EDC3: variants seen among roughly 807,000 people sequenced by gnomAD.
EDC3 encodes enhancer of mRNA-decapping protein 3.
Under a neutral mutation model 41.8 loss-of-function variants are expected in EDC3, and 20 were observed. The observed-to-expected ratio is 0.48, with a 90% CI of 0.34 to 0.70. The LOEUF (loss-of-function observed/expected upper bound fraction) is 0.70, where lower values mean the gene tolerates loss of function less well. EDC3 is among the 30% of genes least tolerant of loss of function. The pLI, the probability that EDC3 is intolerant of heterozygous loss-of-function variation, is 0.01. For missense variants in EDC3, 444 were observed against 636.8 expected, an observed-to-expected ratio of 0.70 and a Z score of 3.26; for synonymous variants, 206 against 243.2, an observed-to-expected ratio of 0.85 and a Z score of 1.42.
chr15:74,678,891 G>GAAA (rs35560581), intron 1 of EDC3, among the ~76,000 whole-genome samples: 1 of 109,936 alleles, frequency 9.1e-6, no homozygotes. Flanking sequence ...CTCCGTCTCA[G>GAAA]AAAAAAAAAA....
chr15:74,636,314 C>T (rs931273283), intron 5 of EDC3: 5 of 152,606 alleles, frequency 3.3e-5, no homozygotes, highest in African/African-American at 4.8e-5. Flanking sequence ...TGCAGATTAT[C>T]GGATGCCCAG....
intron 1 of EDC3, chr15:74,692,899 A>G (rs929488479): frequency 6.6e-6 from 1 of 152,232 alleles, no homozygotes; most frequent in Non-Finnish European, 1.5e-5. Flanking sequence ...ATGTAAATCT[A>G]GGATGAAAAG....
Position 74,630,876 on chromosome 15 carries a change from G to A in EDC3, c.*1736C>T, listed in dbSNP as rs958704186. The A allele has an allele frequency of 6.6e-6, 1 of 152,218 alleles. No homozygotes were observed. The highest frequency in any genetic ancestry group is 1.5e-5 in the Non-Finnish European group (1 of 68,076). 9.4% of individuals were successfully genotyped at this position (152,218 alleles called of 1,614,324 possible). A position where few individuals can be genotyped will look rare whatever the true frequency, so the allele number is the denominator to read the frequency against. On this transcript the variant is annotated 3_prime_UTR_variant, in exon 7 of 7. Coordinates refer to ENST00000315127, the MANE Select transcript of EDC3 (RefSeq NM_025083.5). ...TGGAGTGGACAGTCTTCTGGGCCAG[G>A]GTTGTTCTAGCTTGTTTCTCACTGT... is the stretch of plus-strand genomic sequence containing the variant.
intron 1 of EDC3, among the ~76,000 whole-genome samples, chr15:74,675,830 G>A (rs1396511989): frequency 1.4e-5 from 2 of 147,990 alleles, no homozygotes; most frequent in East Asian, 2.0e-4. Flanking sequence ...GCAGTGAGCC[G>A]AGATCACACC....
At chr15:74,648,633 A>T (rs1330398226) in intron 4 of EDC3, among the ~76,000 whole-genome samples, 1 of 152,182 alleles carries the variant, frequency 6.6e-6, no homozygotes, top group Non-Finnish European at 1.5e-5. Flanking sequence ...CTCAAGCTTA[A>T]CTGGATCCTT....
At chr15:74,667,618 CA>C (rs1406789285) in intron 3 of EDC3, among the ~76,000 whole-genome samples, 1 of 150,790 alleles carries the variant, frequency 6.6e-6, no homozygotes, top group East Asian at 1.9e-4. Flanking sequence ...TGGAGTATGT[CA>C]AAGGGACATG....
rs563300583 is a variant in EDC3 at position 74,660,591 on chromosome 15, T to C, written c.485-4523A>G. On this transcript the variant is annotated intron_variant, in intron 3 of 6. Transcript: ENST00000315127. ...AAATACAAGGTCAGGATAACACCATTAGCAATATACACAGACAAGGGAAGA... is the reference window on the plus strand; with the variant it reads ...AAATACAAGGTCAGGATAACACCATCAGCAATATACACAGACAAGGGAAGA... Among the ~76,000 whole-genome samples, 5 of 151,988 alleles carry C rather than the reference T, an allele frequency of 3.3e-5. No homozygotes were observed. In the South Asian group the frequency reaches 1.0e-3, roughly 32 times the overall value.
At chr15:74,672,372 C>T (rs544341945) in intron 2 of EDC3, among the ~76,000 whole-genome samples, 3 of 152,142 alleles carry the variant, frequency 2.0e-5, no homozygotes, top group East Asian at 1.9e-4. Context: ...TTCACTCCCT[C>T]GCTCATTCAA....
intron 3 of EDC3, among the ~76,000 whole-genome samples, chr15:74,664,659 T>C (rs2062657876): frequency 6.6e-6 from 1 of 152,216 alleles, no homozygotes. Context: ...TGCCTGAGAA[T>C]ATATGGGACC....
intron 6 of EDC3, among the ~76,000 whole-genome samples, 168 bp from the exon 7 acceptor site, chr15:74,633,114 G>A (rs1358469841): frequency 6.6e-6 from 1 of 152,254 alleles, no homozygotes; most frequent in Admixed American, 6.5e-5. Context: ...GGCCCTAGGA[G>A]TTGCAAGCTG....
rs540080430 is a variant in EDC3, at chr15:74,671,983, C to T, written c.165-209G>A. Among the ~76,000 whole-genome samples, 5 of 152,034 alleles carry T rather than the reference C, an allele frequency of 3.3e-5. No individual in the cohort carries two copies. The highest frequency in any genetic ancestry group is 6.6e-5 in the Admixed American group (1 of 15,254). ...TAGCCTTTAAAAAGAGGCTATTGGC[C>T]GGGCACGGTGGCTCACGCCTGTAAT... On this transcript the variant is annotated intron_variant, in intron 2 of 6. Transcript: ENST00000315127. The surrounding 1 kb of genome is among the most constrained non-coding windows in gnomAD (Gnocchi z 4.6).
chr15:74,677,264 T>C (rs1377252393), intron 1 of EDC3, among the ~76,000 whole-genome samples: 2 of 151,972 alleles, frequency 1.3e-5, no homozygotes, highest in African/African-American at 2.4e-5. Context: ...GGTTTCACCA[T>C]GTTGGTCAGG....
At chr15:74,646,066 T>G (rs978001749) in intron 4 of EDC3, among the ~76,000 whole-genome samples, 4 of 76,480 alleles carry the variant, frequency 5.2e-5, no homozygotes, top group East Asian at 7.9e-4. Flanking sequence ...GTTGTTTTGT[T>G]TTTTTTTTTT....
intron 1 of EDC3, among the ~76,000 whole-genome samples, chr15:74,681,493 C>T (rs2062870196): frequency 6.6e-6 from 1 of 152,110 alleles, no homozygotes; most frequent in African/African-American, 2.4e-5. Context: ...ATCAGTCTAC[C>T]TGATTTCAAG....
chr15:74,690,936 T>C (rs1034741785), intron 1 of EDC3, among the ~76,000 whole-genome samples: 11 of 152,296 alleles, frequency 7.2e-5, no homozygotes, highest in Non-Finnish European at 1.3e-4. Context: ...GGCTAGTGTC[T>C]GCAATCCTAG....
At chr15:74,653,136 G>C (rs578060442) in intron 4 of EDC3, among the ~76,000 whole-genome samples, 1 of 149,842 alleles carries the variant, frequency 6.7e-6, no homozygotes, top group Non-Finnish European at 1.5e-5. Flanking sequence ...GCTGAGAGCT[G>C]AGATCACGCC....
intron 4 of EDC3, among the ~76,000 whole-genome samples, chr15:74,647,095 C>T (rs2062427806): frequency 6.6e-6 from 1 of 151,358 alleles, no homozygotes; most frequent in South Asian, 2.1e-4. Flanking sequence ...CTGCAAACTC[C>T]ACCTCCTGGG....
chr15:74,643,243 G>C (rs371921814), intron 4 of EDC3: 2 of 152,228 alleles, frequency 1.3e-5, no homozygotes, highest in African/African-American at 4.8e-5. Context: ...GCCAAAGCCT[G>C]AACATGGGCC....
intron 3 of EDC3, among the ~76,000 whole-genome samples, chr15:74,664,881 T>G (rs1254100686): frequency 1.3e-5 from 2 of 152,190 alleles, no homozygotes. Flanking sequence ...CGACCATCTT[T>G]CCATTTAAAA....
Sources: gnomAD v4.1 joint callset for allele counts (sites outside exome capture counted in the v4.1 genomes callset) on GRCh38, gnomAD v4.1.1 for gene constraint, Gnocchi (gnomAD v3.1) non-coding constraint, MANE v1.5 for transcripts, NCBI Gene and HGNC (gene_info 2026-07-23, HGNC 2026-07-21) for gene names.